Variants in VASH1 observed in about 807,000 individuals in gnomAD.
The protein encoded by VASH1 is vasohibin 1.
Under a neutral mutation model 35.0 loss-of-function variants are expected in VASH1, and 16 were observed. That is an observed-to-expected ratio of 0.46 (90% CI 0.31 to 0.70). The LOEUF (loss-of-function observed/expected upper bound fraction) is 0.70, where lower values mean the gene tolerates loss of function less well. VASH1 is among the 30% of genes least tolerant of loss of function. VASH1 has a pLI of 0.05. For synonymous variants in VASH1, 214 were observed against 200.9 expected (o/e 1.07, Z -0.55); for missense variants, 505 against 510.7 (o/e 0.99, Z 0.11).
chr14:76,765,451 C>CT (rs1893617489), intron 1 of VASH1, among the ~76,000 whole-genome samples: 1 of 152,164 alleles, frequency 6.6e-6, no homozygotes, highest in Non-Finnish European at 1.5e-5. Flanking sequence ...TACCTGGGCT[C>CT]TGAGTAGAAA....
intron 1 of VASH1, among the ~76,000 whole-genome samples, chr14:76,768,445 C>T (rs1441899911): frequency 3.9e-5 from 6 of 152,098 alleles, no homozygotes; most frequent in Non-Finnish European, 5.9e-5. Flanking sequence ...AGAAGACCGA[C>T]GGGAGGGAGG....
chr14:76,771,122 G>A, intron 2 of VASH1, 68 bp from the exon 3 acceptor site: 12 of 1,420,848 alleles, frequency 8.4e-6, no homozygotes, highest in Non-Finnish European at 1.1e-5. Context: ...TTGAGCTTCA[G>A]GATAGGCAGG....
At chr14:76,763,202 A>T (rs1265669434) in intron 1 of VASH1, 72 bp downstream of exon 1, 2 of 1,323,786 alleles carry the variant, frequency 1.5e-6, no homozygotes, top group Non-Finnish European at 1.9e-6. Context: ...GAGTGAAGCC[A>T]CACTCTCCTC....
At chr14:76,774,768 G>C (rs565866749) in intron 4 of VASH1, 1 of 152,344 alleles carries the variant, frequency 6.6e-6, no homozygotes, top group South Asian at 2.1e-4. Context: ...GGTGGAATGA[G>C]AGTAGTGCTG....
intron 4 of VASH1, 111 bp from the exon 5 acceptor site, chr14:76,775,781 C>G (rs1235058106): frequency 7.0e-7 from 1 of 1,425,416 alleles, no homozygotes; most frequent in Non-Finnish European, 9.3e-7. Flanking sequence ...GGACTGGTGT[C>G]TGCACCCCAA....
chr14:76,769,873 G>A lies in VASH1; in HGVS notation c.310-90G>A, dbSNP rs1893743831. ...GGAGGCTGTGCCTCCCCAGGGTGGG[G>A]CGCCTCTGGGGCCAGTCCTAGGTGT... On this transcript the variant is annotated intron_variant, in intron 1 of 6. Transcript: ENST00000167106. 29 of 1,341,138 alleles carry A rather than the reference G, an allele frequency of 2.2e-5. No individual in the cohort carries two copies. The South Asian group carries it at 3.4e-4, about 16-fold the overall frequency. 83.1% of individuals were successfully genotyped at this position (1,341,138 alleles called of 1,614,324 possible).
intron 1 of VASH1, among the ~76,000 whole-genome samples, chr14:76,764,329 A>G (rs954814296): frequency 6.6e-6 from 1 of 152,242 alleles, no homozygotes; most frequent in African/African-American, 2.4e-5. Context: ...GAATGGCCGC[A>G]TAAATGTGCT....
chr14:76,776,195 G>A lies in VASH1; in HGVS notation c.834G>A (p.Ser278=), dbSNP rs1457937085. 3.7e-6 allele frequency: 6 copies of A among 1,610,376 alleles called. No homozygotes were observed. Among genetic ancestry groups the A allele is most frequent in the South Asian group, 3.3e-5 (3 of 91,014 alleles). ...TGGAGCAGATCGAGTGGAAGCACTC[G>A]GTGCTGGACGTGGAGCGCCTGGGCC... The part of the protein sequence containing the change: ...HSVEQIEWKH[S]VLDVERLGRD... Residue 278 remains serine (S), a synonymous_variant, in exon 5 of 7, where the codon TCG becomes TCA. Coordinates refer to ENST00000167106, the MANE Select transcript of VASH1 (RefSeq NM_014909.5).
chr14:76,770,769 C>A (rs562899763), intron 2 of VASH1, among the ~76,000 whole-genome samples: 16 of 152,328 alleles, frequency 1.1e-4, no homozygotes, highest in African/African-American at 3.1e-4. Context: ...TCGGGTCCAG[C>A]TCCTCCTTCT....
In VASH1 at chr14:76,761,993, G is replaced by T. The variant is rs920413066; in HGVS notation, c.-829G>T. ...GGCGCCAGGTGCCAGCCGTCCTCCC[G>T]CTGAGACGCGCCCGAGTGGGGACCC... is the stretch of plus-strand genomic sequence containing the variant. On this transcript the variant is annotated 5_prime_UTR_variant, in exon 1 of 7. Transcript: ENST00000167106. 6.6e-6 allele frequency among the ~76,000 whole-genome samples: 1 copy of T among 152,084 alleles called. No homozygotes were observed. Among genetic ancestry groups the T allele is most frequent in the South Asian group, 2.1e-4 (1 of 4,838 alleles).
At chr14:76,768,358 C>T (rs147001870) in intron 1 of VASH1, among the ~76,000 whole-genome samples, 1,712 of 152,254 alleles carry the variant, frequency 0.011, 31 homozygotes, top group Non-Finnish European at 0.011. Flanking sequence ...GGAAATGGCT[C>T]CCTCCAGACA....
intron 3 of VASH1, among the ~76,000 whole-genome samples, chr14:76,772,007 C>T (rs538608442): frequency 2.0e-5 from 3 of 152,092 alleles, no homozygotes; most frequent in Non-Finnish European, 4.4e-5. Flanking sequence ...TTTGGGAGGC[C>T]GAGGTGGGCG....
chr14:76,767,244 CAATAAATA>C (rs3059397), intron 1 of VASH1, among the ~76,000 whole-genome samples: 530 of 136,298 alleles, frequency 3.9e-3, no homozygotes, highest in Non-Finnish European at 5.2e-3. Flanking sequence ...AACTCTGTCT[CAATAAATA>C]AATAAATAAA....
chr14:76,772,855 T>C (rs1893829682), intron 3 of VASH1, among the ~76,000 whole-genome samples: 1 of 152,126 alleles, frequency 6.6e-6, no homozygotes, highest in African/African-American at 2.4e-5. Flanking sequence ...CCAGAGCTCT[T>C]TGGAGCAAGA....
rs1452427872 is a variant in VASH1 at position 76,778,142 on chromosome 14, T to G, written c.1025+71T>G. On this transcript the variant is annotated intron_variant, in intron 6 of 6. Transcript: ENST00000167106. ...CCTTTCCTCTCATCGTGTGGGTCCC[T>G]TTTTTTTTTTATCTCTCTCCCACCC... The G allele has an allele frequency of 1.2e-5, 5 of 407,444 alleles. No homozygotes were observed. The East Asian group carries it at 2.5e-4, about 20-fold the overall frequency. The allele number at this position is 407,444 out of a possible 1,614,324, so 25.2% of individuals were successfully genotyped here.
chr14:76,777,275 C>G (rs367820409), intron 5 of VASH1, among the ~76,000 whole-genome samples: 56 of 152,362 alleles, frequency 3.7e-4, no homozygotes, highest in African/African-American at 1.2e-3. Context: ...TGCCCCTGAG[C>G]TGCCGCTCCC....
In VASH1 at chr14:76,761,908, C is replaced by T. The variant is rs1372750779; in HGVS notation, c.-914C>T. On this transcript the variant is annotated 5_prime_UTR_variant, in exon 1 of 7. An upstream open reading frame in the 5' UTR gains an earlier in-frame stop. Coordinates refer to ENST00000167106, the MANE Select transcript of VASH1 (RefSeq NM_014909.5). ...CTCAGCCTGGCCCCTGCGCGCCGCC[C>T]GAGCCGGTCCCGCTGAGCCGCGGGC... Among the ~76,000 whole-genome samples, 4 of 151,650 alleles carry T rather than the reference C, an allele frequency of 2.6e-5. No homozygotes were observed. Among genetic ancestry groups the T allele is most frequent in the African/African-American group, 9.7e-5 (4 of 41,382 alleles).
intron 5 of VASH1, among the ~76,000 whole-genome samples, chr14:76,777,003 T>C (rs1893964151): frequency 6.6e-6 from 1 of 152,096 alleles, no homozygotes; most frequent in East Asian, 1.9e-4. Context: ...AGGTGGTAGC[T>C]CCATTTTCAG....
In VASH1 at chr14:76,778,020, C is replaced by A; in HGVS notation, c.974C>A (p.Pro325Gln). 1 of 1,543,338 alleles carries A rather than the reference C, an allele frequency of 6.5e-7. No individual in the cohort carries two copies. The highest frequency in any genetic ancestry group is 1.2e-5 in the South Asian group (1 of 81,690). ...GACCGGAAGAAGGATGTTTCTTCCC[C>A]GCAGCGGGCCCAGTCCAGCCCCCAC... is the stretch of plus-strand genomic sequence containing the variant. ...TKDRKKDVSSPQRAQSSPHRR... is the reference protein window; with the variant it reads ...TKDRKKDVSSQQRAQSSPHRR... The change falls in exon 6 of 7, where the codon CCG becomes CAG. Residue 325 changes from proline to glutamine, a missense_variant. Physicochemically the swap from Pro to Gln is moderately conservative, Grantham distance 76. Coordinates refer to ENST00000167106, the MANE Select transcript of VASH1 (RefSeq NM_014909.5).
Sources: allele counts gnomAD v4.1 joint callset (sites outside exome capture counted in the v4.1 genomes callset), GRCh38; gene constraint gnomAD v4.1.1; transcripts MANE v1.5; gene names NCBI Gene and HGNC (gene_info 2026-07-23, HGNC 2026-07-21).